The following CNTN5 variants were observed in gnomAD, a reference collection of about 807,000 sequenced individuals.
The protein encoded by CNTN5 is contactin-5.
In CNTN5, 77 loss-of-function variants were observed where a neutral mutation model predicts 129.1. The observed-to-expected ratio is 0.60, with a 90% CI of 0.50 to 0.72. The LOEUF (loss-of-function observed/expected upper bound fraction) is 0.72, where lower values mean the gene tolerates loss of function less well. Among genes scored for constraint, CNTN5 ranks in the 30% least tolerant of loss-of-function variants. The pLI is 0.00. For missense variants in CNTN5, 1,478 were observed against 1,328.8 expected (o/e 1.11, Z -1.75); for synonymous variants, 509 against 465.6 (o/e 1.09, Z -1.20).
intron 1 of CNTN5, among the ~76,000 whole-genome samples, chr11:99,216,376 A>G (rs1050388100): frequency 2.6e-5 from 4 of 152,130 alleles, no homozygotes; most frequent in African/African-American, 9.7e-5. Context: ...TATACAGGCC[A>G]TATTTTCTTT....
chr11:99,985,917 A>C (rs1938644223), intron 8 of CNTN5, among the ~76,000 whole-genome samples: 1 of 152,026 alleles, frequency 6.6e-6, no homozygotes, highest in Admixed American at 6.6e-5. Context: ...CTTGTACTCC[A>C]TCCCATCTTA....
intron 2 of CNTN5, among the ~76,000 whole-genome samples, chr11:99,407,777 T>C (rs1942148565): frequency 6.6e-6 from 1 of 152,188 alleles, no homozygotes; most frequent in Admixed American, 6.5e-5. Context: ...CTAGGACTCA[T>C]TTGAGTGCTC....
intron 19 of CNTN5, among the ~76,000 whole-genome samples, chr11:100,298,305 T>C (rs1028898436): frequency 6.6e-5 from 10 of 151,350 alleles, no homozygotes; most frequent in Non-Finnish European, 1.0e-4. Context: ...TTTTGTCCAT[T>C]CCCCCTTTTC....
chr11:100,035,308 T>G (rs1941926879), intron 9 of CNTN5, among the ~76,000 whole-genome samples: 1 of 149,214 alleles, frequency 6.7e-6, no homozygotes, highest in South Asian at 2.1e-4. Flanking sequence ...CTCATCATTT[T>G]TTTATGGCTG....
intron 2 of CNTN5, among the ~76,000 whole-genome samples, chr11:99,552,287 T>A (rs1200503567): frequency 6.6e-6 from 1 of 151,866 alleles, no homozygotes; most frequent in Non-Finnish European, 1.5e-5. Context: ...ATAATTATTA[T>A]CTAAAAAATA....
chr11:99,980,475 A>G (rs1359847712), intron 8 of CNTN5, among the ~76,000 whole-genome samples: 1 of 152,152 alleles, frequency 6.6e-6, no homozygotes, highest in East Asian at 1.9e-4. Context: ...ATGAATACTT[A>G]CTGTGGGTAC....
At position 100,299,296 on chromosome 11, in the gene CNTN5, T is replaced by C. The variant is rs1182743074; in HGVS notation, c.2520T>C (p.Ser840=). Residue 840 remains serine (S), a synonymous_variant, in exon 20 of 25, where the codon AGT becomes AGC. Transcript: ENST00000524871. ...EASKFIYRDE[S]VPPLTPFEVK... ...CCAAATTCATTTATCGAGATGAAAG[T>C]GTCCCTCCTCTTACTCCCTTTGAAG... is the stretch of plus-strand genomic sequence containing the variant. 10 of 1,610,622 alleles carry C rather than the reference T, an allele frequency of 6.2e-6. No homozygotes were observed. Among genetic ancestry groups the C allele is most frequent in the Admixed American group, 1.7e-5 (1 of 59,666 alleles).
intron 1 of CNTN5, among the ~76,000 whole-genome samples, chr11:99,183,984 T>C (rs921890377): frequency 6.6e-6 from 1 of 152,110 alleles, no homozygotes; most frequent in Admixed American, 6.6e-5. Context: ...CTTACAAATT[T>C]TACTTATCTG....
chr11:99,377,792 A>G (rs535822994), intron 2 of CNTN5, among the ~76,000 whole-genome samples: 2 of 143,626 alleles, frequency 1.4e-5, no homozygotes, highest in African/African-American at 5.1e-5. Context: ...TTCCTCACTT[A>G]GTCTTAGAGA....
chr11:99,381,853 G>A (rs1160858427), intron 2 of CNTN5, among the ~76,000 whole-genome samples: 1 of 152,104 alleles, frequency 6.6e-6, no homozygotes, highest in African/African-American at 2.4e-5. Context: ...TTATTTTCAA[G>A]AAAAGGGGCA....
At chr11:99,196,416 C>T (rs1858904771) in intron 1 of CNTN5, among the ~76,000 whole-genome samples, 1 of 151,798 alleles carries the variant, frequency 6.6e-6, no homozygotes, top group Non-Finnish European at 1.5e-5. Context: ...TTACATGTGT[C>T]TGTGCATGTA....
intron 13 of CNTN5, among the ~76,000 whole-genome samples, chr11:100,151,574 G>A (rs1037175306): frequency 2.6e-5 from 4 of 152,044 alleles, no homozygotes; most frequent in Non-Finnish European, 4.4e-5. Context: ...CCGGTACATC[G>A]ACTTATAGGT....
At chr11:99,910,281 T>G (rs1361524083) in intron 6 of CNTN5, among the ~76,000 whole-genome samples, 1 of 152,074 alleles carries the variant, frequency 6.6e-6, no homozygotes, top group East Asian at 1.9e-4. Flanking sequence ...AAAACCTTCA[T>G]TTTTCTATGG....
intron 2 of CNTN5, among the ~76,000 whole-genome samples, chr11:99,334,931 T>TA (rs1263991032): frequency 1.3e-5 from 2 of 152,152 alleles, no homozygotes; most frequent in Non-Finnish European, 2.9e-5. Flanking sequence ...AGGAGTTATT[T>TA]GACTTTCTGG....
At chr11:99,902,007 A>G (rs1949370400) in intron 6 of CNTN5, among the ~76,000 whole-genome samples, 1 of 152,192 alleles carries the variant, frequency 6.6e-6, no homozygotes, top group South Asian at 2.1e-4. Flanking sequence ...CATGGTTAAT[A>G]AGTGGAAGAG....
At position 100,195,079 on chromosome 11, in the gene CNTN5, T is replaced by G. The variant is rs1948601588; in HGVS notation, c.1884+1416T>G. Among the ~76,000 whole-genome samples, 5 of 152,096 alleles carry G rather than the reference T, an allele frequency of 3.3e-5. 1 individual carries two copies. In the South Asian group the frequency reaches 1.0e-3, roughly 32 times the overall value. ...GTTTTCCTTCTTCCTTTACCTTGGGTGATAATTCCTTCCTACAATACTTTT... is the reference window on the plus strand; with the variant it reads ...GTTTTCCTTCTTCCTTTACCTTGGGGGATAATTCCTTCCTACAATACTTTT... On this transcript the variant is annotated intron_variant, in intron 15 of 24. Coordinates refer to ENST00000524871, the MANE Select transcript of CNTN5 (RefSeq NM_014361.4).
At chr11:99,894,140 G>A (rs570923004) in intron 6 of CNTN5, among the ~76,000 whole-genome samples, 4 of 152,256 alleles carry the variant, frequency 2.6e-5, no homozygotes, top group African/African-American at 9.6e-5. Flanking sequence ...TTCCCACCTA[G>A]TAGGTGGTAT....
At chr11:99,152,859 A>AT (rs1280223589) in intron 1 of CNTN5, among the ~76,000 whole-genome samples, 1 of 152,166 alleles carries the variant, frequency 6.6e-6, no homozygotes, top group Non-Finnish European at 1.5e-5. Context: ...TTCCTTTAGC[A>AT]TTTCCTTGTC....
At chr11:99,068,902 T>C (rs759800929) in intron 1 of CNTN5, among the ~76,000 whole-genome samples, 2 of 152,158 alleles carry the variant, frequency 1.3e-5, no homozygotes, top group East Asian at 3.9e-4. Flanking sequence ...CTTTAGAACA[T>C]GTGACCTTAA....
Sources: gnomAD v4.1 joint callset for allele counts (sites outside exome capture counted in the v4.1 genomes callset) on GRCh38, gnomAD v4.1.1 for gene constraint, MANE v1.5 for transcripts, NCBI Gene and HGNC (gene_info 2026-07-23, HGNC 2026-07-21) for gene names.